Variants in FBXL7 observed in about 807,000 individuals in gnomAD.
The protein encoded by FBXL7 is F-box and leucine rich repeat protein 7, also known as F-box/LRR-repeat protein 7.
FBXL7 carries 12 observed loss-of-function variants against 38.3 expected under a neutral mutation model. That is an observed-to-expected ratio of 0.31 (90% CI 0.20 to 0.51). The LOEUF is 0.51. FBXL7 is among the 20% of genes least tolerant of loss of function. FBXL7 has a pLI of 0.98. For synonymous variants in FBXL7, 297 were observed against 300.9 expected (o/e 0.99, Z 0.13); for missense variants, 567 against 676.4 (o/e 0.84, Z 1.79).
intron 2 of FBXL7, among the ~76,000 whole-genome samples, chr5:15,775,404 A>G (rs1736833289): frequency 6.7e-6 from 1 of 149,350 alleles, no homozygotes; most frequent in Non-Finnish European, 1.5e-5. Context: ...CACACACACA[A>G]ATACCATCAC....
At chr5:15,672,628 C>G (rs1742517943) in intron 2 of FBXL7, among the ~76,000 whole-genome samples, 1 of 149,314 alleles carries the variant, frequency 6.7e-6, no homozygotes, top group Non-Finnish European at 1.5e-5. Context: ...GATCTTGGCT[C>G]ACTACAACCT....
At chr5:15,844,095 C>A (rs951745801) in intron 2 of FBXL7, among the ~76,000 whole-genome samples, 4 of 152,066 alleles carry the variant, frequency 2.6e-5, no homozygotes, top group African/African-American at 9.7e-5. Flanking sequence ...CCAACTGTGG[C>A]AATTTAGCAC....
intron 1 of FBXL7, among the ~76,000 whole-genome samples, chr5:15,560,361 T>A (rs1738376105): frequency 6.6e-6 from 1 of 152,170 alleles, no homozygotes; most frequent in South Asian, 2.1e-4. Context: ...CAGTGAGCCA[T>A]AAGTTAAAAA....
rs534257036 is a variant in FBXL7 at position 15,924,617 on chromosome 5, G to A, written c.128-3273G>A. On this transcript the variant is annotated intron_variant, in intron 2 of 3. Transcript: ENST00000504595. ...TTGGAGGAAGTTCTGTCTGCTTCAC[G>A]GGTCTCTCATTATTCTTTTTTTTTT... Among the ~76,000 whole-genome samples, 150 of 150,488 alleles carry A rather than the reference G, an allele frequency of 1.0e-3. 1 individual carries two copies. The South Asian group carries it at 0.015, about 15-fold the overall frequency.
rs1742519568 is a variant in FBXL7 at position 15,672,667 on chromosome 5, G to A, written c.127+56595G>A. Among the ~76,000 whole-genome samples the A allele has an allele frequency of 2.0e-5, 3 of 150,108 alleles. No individual in the cohort carries two copies. The South Asian group carries it at 6.3e-4, about 31-fold the overall frequency. ...CCTCCCAGGTTCAAGCAATTCTCCT[G>A]CCTCAGCCTCCCAAGTAGCTGAGAC... is the stretch of plus-strand genomic sequence containing the variant. On this transcript the variant is annotated intron_variant, in intron 2 of 3. Transcript: ENST00000504595.
intron 2 of FBXL7, among the ~76,000 whole-genome samples, chr5:15,836,336 A>G (rs1738591179): frequency 6.6e-6 from 1 of 152,234 alleles, no homozygotes; most frequent in Non-Finnish European, 1.5e-5. Context: ...GAAACATGAA[A>G]AATGAGACAA....
intron 2 of FBXL7, among the ~76,000 whole-genome samples, chr5:15,780,723 C>A (rs1429179996): frequency 6.6e-6 from 1 of 152,026 alleles, no homozygotes; most frequent in African/African-American, 2.4e-5. Context: ...AAAACTTTAC[C>A]CTTTACTCAA....
intron 1 of FBXL7, among the ~76,000 whole-genome samples, chr5:15,553,079 TCAAAAAAAAAAAA>T (rs1738129325): frequency 1.1e-5 from 1 of 93,200 alleles, no homozygotes; most frequent in South Asian, 3.6e-4. Context: ...AGACTCCATG[TCAAAAAAAAAAAA>T]CAAAAAAAAA....
At chr5:15,841,603 C>T (rs1237030729) in intron 2 of FBXL7, among the ~76,000 whole-genome samples, 2 of 152,046 alleles carry the variant, frequency 1.3e-5, no homozygotes, top group African/African-American at 4.8e-5. Context: ...GTTTGTATCC[C>T]TTGCTTGAAC....
chr5:15,599,934 A>T (rs1374040453), intron 1 of FBXL7, among the ~76,000 whole-genome samples: 1 of 126,752 alleles, frequency 7.9e-6, no homozygotes, highest in Non-Finnish European at 1.9e-5. Context: ...AGAAACAGAC[A>T]TGTCAAGGGT....
In FBXL7 at chr5:15,770,019, T is replaced by C. The variant is rs979097619; in HGVS notation, c.127+153947T>C. 4.6e-5 allele frequency among the ~76,000 whole-genome samples: 7 copies of C among 152,308 alleles called. No individual in the cohort carries two copies. The East Asian group carries it at 1.4e-3, about 29-fold the overall frequency. ...TCTTCTGGTAGGTCAGTTTAGAGAA[T>C]TTTTACAATAGTATTGACTTTTGAT... On this transcript the variant is annotated intron_variant, in intron 2 of 3. Coordinates refer to ENST00000504595, the MANE Select transcript of FBXL7 (RefSeq NM_012304.5).
chr5:15,682,149 G>A (rs1561083380), intron 2 of FBXL7, among the ~76,000 whole-genome samples: 1 of 152,206 alleles, frequency 6.6e-6, no homozygotes, highest in African/African-American at 2.4e-5. Context: ...CTGCTCCATT[G>A]TGTCATTTAG....
At position 15,582,035 on chromosome 5, in the gene FBXL7, T is replaced by C. The variant is rs141648493; in HGVS notation, c.38-33948T>C. ...TCATTGCAACCTCCATCTCCCAGGT[T>C]CAGGCGATCCTCCTGCCTCAGCCTC... On this transcript the variant is annotated intron_variant, in intron 1 of 3. Transcript: ENST00000504595. Among the ~76,000 whole-genome samples, 1,311 of 152,292 alleles carry C rather than the reference T, an allele frequency of 8.6e-3. 16 individuals are homozygous for C. Among genetic ancestry groups the C allele is most frequent in the Non-Finnish European group, 0.012 (825 of 68,020 alleles).
intron 2 of FBXL7, among the ~76,000 whole-genome samples, chr5:15,863,227 G>A (rs374343194): frequency 1.3e-5 from 2 of 152,256 alleles, no homozygotes; most frequent in East Asian, 1.9e-4. Context: ...GATGGAAAGC[G>A]AGAAATAGAA....
intron 2 of FBXL7, among the ~76,000 whole-genome samples, chr5:15,704,019 C>A (rs2126635809): frequency 6.6e-6 from 1 of 152,298 alleles, no homozygotes; most frequent in East Asian, 1.9e-4. Context: ...TGCACAGAGA[C>A]TGACTCTTCC....
intron 2 of FBXL7, among the ~76,000 whole-genome samples, chr5:15,892,700 A>G (rs1267424239): frequency 6.6e-6 from 1 of 152,242 alleles, no homozygotes; most frequent in Non-Finnish European, 1.5e-5. Context: ...CAAGCGAAGG[A>G]GAAAGGGAAT....
intron 1 of FBXL7, among the ~76,000 whole-genome samples, chr5:15,531,685 C>T (rs934766985): frequency 5.3e-5 from 8 of 152,252 alleles, no homozygotes; most frequent in Non-Finnish European, 8.8e-5. Flanking sequence ...GTAAAAGTTT[C>T]GCTCAGGATT....
At chr5:15,766,391 G>T (rs967985222) in intron 2 of FBXL7, among the ~76,000 whole-genome samples, 1 of 152,150 alleles carries the variant, frequency 6.6e-6, no homozygotes, top group Non-Finnish European at 1.5e-5. Flanking sequence ...CTTAATTTTT[G>T]TATCCGTAGA....
chr5:15,885,581 T>C (rs1014618242), intron 2 of FBXL7, among the ~76,000 whole-genome samples: 2 of 152,210 alleles, frequency 1.3e-5, no homozygotes, highest in African/African-American at 2.4e-5. Flanking sequence ...CAAAGAAATG[T>C]TGAAACTCCA....
Sources: gnomAD v4.1 joint callset for allele counts (sites outside exome capture counted in the v4.1 genomes callset) on GRCh38, gnomAD v4.1.1 for gene constraint, MANE v1.5 for transcripts, NCBI Gene and HGNC (gene_info 2026-07-23, HGNC 2026-07-21) for gene names.